Variants in DNAH1 observed in about 807,000 individuals in gnomAD.
DNAH1 encodes the protein dynein axonemal heavy chain 1, also known as axonemal beta dynein heavy chain 1.
A neutral mutation model predicts 484.3 loss-of-function variants in DNAH1; 327 were observed. That is an observed-to-expected ratio of 0.68 (90% CI 0.62 to 0.74). DNAH1 has a LOEUF of 0.74. Among genes scored for constraint, DNAH1 ranks in the 30% least tolerant of loss-of-function variants. The pLI, the probability that DNAH1 is intolerant of heterozygous loss-of-function variation, is 0.00. For missense variants in DNAH1, 5,052 were observed against 5,546.8 expected (o/e 0.91, Z 2.83); for synonymous variants, 2,192 against 2,191.9 (o/e 1.00, Z 0.00).
chr3:52,354,651 G>A (rs185887057), intron 20 of DNAH1, among the ~76,000 whole-genome samples, 192 bp from the exon 21 acceptor site: 1 of 144,916 alleles, frequency 6.9e-6, no homozygotes, highest in Non-Finnish European at 1.5e-5. Context: ...AAAAAAAAAA[G>A]AGTGAATTGG....
intron 8 of DNAH1, among the ~76,000 whole-genome samples, chr3:52,335,049 C>T (rs1013176804): frequency 3.3e-5 from 5 of 151,416 alleles, no homozygotes; most frequent in African/African-American, 1.2e-4. Context: ...ATCCACCTGC[C>T]TCAGCCTCCC....
chr3:52,392,862 G>C lies in DNAH1; in HGVS notation c.10311G>C (p.Lys3437Asn). The part of the protein sequence containing the change: ...AKVRIAEQTE[K>N]DIDLTRMEYI... ...TCAGGATTGCAGAGCAGACGGAGAA[G>C]GACATCGACCTGACGCGCATGGAGT... Residue 3437 changes from lysine (K) to asparagine (N), a missense_variant, in exon 65 of 78, where the codon AAG becomes AAC. By Grantham distance (94) the Lys-to-Asn change is moderately conservative. Coordinates refer to ENST00000420323, the MANE Select transcript of DNAH1 (RefSeq NM_015512.5). 4 of 1,606,118 alleles carry C rather than the reference G, an allele frequency of 2.5e-6. No homozygotes were observed. Among genetic ancestry groups the C allele is most frequent in the Non-Finnish European group, 3.4e-6 (4 of 1,177,804 alleles).
chr3:52,397,056 C>G lies in DNAH1; in HGVS notation c.11787+12C>G. On this transcript the variant is annotated intron_variant, in intron 73 of 77. Coordinates refer to ENST00000420323, the MANE Select transcript of DNAH1 (RefSeq NM_015512.5). ...CCTACGACCTCCACGTGAGTCCAGC[C>G]CAAAGGGCTGCACAGGAGGGGCCTG... is the stretch of plus-strand genomic sequence containing the variant. 1 of 1,590,762 alleles carries G rather than the reference C, an allele frequency of 6.3e-7. No individual in the cohort carries two copies.
rs966144662 is a variant in DNAH1 at position 52,352,577 on chromosome 3, A to G, written c.2897A>G (p.His966Arg). Reference sequence around the variant, plus strand: ...CTGGTAGTAGCTGGCTTCTCCATCCATGTGGAGATTTCACGTGCACACGAG... The same window carrying G: ...CTGGTAGTAGCTGGCTTCTCCATCCGTGTGGAGATTTCACGTGCACACGAG... ...LQLVVAGFSIHVEISRAHEIA... is the reference protein window; with the variant it reads ...LQLVVAGFSIRVEISRAHEIA... The change falls in exon 18 of 78, where the codon CAT becomes CGT. Residue 966 changes from histidine to arginine, a missense_variant. His to Arg is a conservative substitution (Grantham distance 29). Transcript: ENST00000420323. 2 of 1,611,606 alleles carry G rather than the reference A, an allele frequency of 1.2e-6. No homozygotes were observed. Among genetic ancestry groups the G allele is most frequent in the Non-Finnish European group, 1.7e-6 (2 of 1,179,056 alleles).
chr3:52,399,276 G>A lies in DNAH1; in HGVS notation c.12441+75G>A, dbSNP rs1320533298. 2.8e-6 allele frequency: 4 copies of A among 1,451,222 alleles called. No individual in the cohort carries two copies. The African/African-American group carries it at 5.7e-5, about 21-fold the overall frequency. The allele number at this position is 1,451,222 out of a possible 1,614,324, so 89.9% of individuals were successfully genotyped here. On this transcript the variant is annotated intron_variant, in intron 76 of 77. Coordinates refer to ENST00000420323, the MANE Select transcript of DNAH1 (RefSeq NM_015512.5). ...AGGGAGGAGAGGCTCTGAGGCCACGGTTGGTTGGCAGTTGGGGGACCCCTA... is the reference window on the plus strand; with the variant it reads ...AGGGAGGAGAGGCTCTGAGGCCACGATTGGTTGGCAGTTGGGGGACCCCTA...
chr3:52,325,049 C>T (rs1161024865), intron 3 of DNAH1, among the ~76,000 whole-genome samples: 1 of 152,162 alleles, frequency 6.6e-6, no homozygotes, highest in Non-Finnish European at 1.5e-5. Context: ...TGTCACGCAG[C>T]CTCAAGAGCT....
intron 16 of DNAH1, 40 bp from the exon 17 acceptor site, chr3:52,351,922 C>CCG: frequency 6.3e-7 from 1 of 1,582,722 alleles, no homozygotes; most frequent in Non-Finnish European, 8.6e-7. Flanking sequence ...ACCACTTCAG[C>CCG]CGCGATATTT....
intron 6 of DNAH1, among the ~76,000 whole-genome samples, chr3:52,330,575 G>A (rs973891920): frequency 6.6e-6 from 1 of 152,268 alleles, no homozygotes; most frequent in Non-Finnish European, 1.5e-5. Context: ...AAATGAGTGA[G>A]GGGCAGCGGT....
chr3:52,361,939 G>T lies in DNAH1; in HGVS notation c.4980+173G>T, dbSNP rs569957795. Among the ~76,000 whole-genome samples the T allele has an allele frequency of 7.2e-5, 11 of 152,308 alleles. No homozygotes were observed. Among genetic ancestry groups the T allele is most frequent in the African/African-American group, 2.2e-4 (9 of 41,570 alleles). On this transcript the variant is annotated intron_variant, in intron 30 of 77. Transcript: ENST00000420323. The surrounding 1 kb of genome is among the most constrained non-coding windows in gnomAD (Gnocchi z 5.6). ...GTGGGCAGCTCCCAGGCCAAGCTGCGGGGGATGAAGGGGTCCCCTCCTCAT... is the reference window on the plus strand; with the variant it reads ...GTGGGCAGCTCCCAGGCCAAGCTGCTGGGGATGAAGGGGTCCCCTCCTCAT...
chr3:52,360,056 C>A lies in DNAH1; in HGVS notation c.4548C>A (p.Asp1516Glu), dbSNP rs1235470825. 6.8e-6 allele frequency: 11 copies of A among 1,613,904 alleles called. No individual in the cohort carries two copies. The highest frequency in any genetic ancestry group is 9.3e-6 in the Non-Finnish European group (11 of 1,179,894). The change falls in exon 27 of 78, where the codon GAC becomes GAA. Residue 1516 changes from aspartate (D) to glutamate (E), a missense_variant. Coordinates refer to ENST00000420323, the MANE Select transcript of DNAH1 (RefSeq NM_015512.5). The stretch of plus-strand genomic sequence containing the variant: ...AGGAGAACGTGGTCAGCGTGAATGA[C>A]TTCCAGTGGATCTCACAGCTGAGGT... ...LIQENVVSVN[D>E]FQWISQLRYY...
Position 52,380,145 on chromosome 3 carries a change from C to A in DNAH1, c.7608+10C>A. Reference sequence around the variant, plus strand: ...CACCAGTGAGAGTAAGGTGAGGGGCCCAGGCAGGCGCCCTGCCCCTGGTGG... The same window carrying A: ...CACCAGTGAGAGTAAGGTGAGGGGCACAGGCAGGCGCCCTGCCCCTGGTGG... On this transcript the variant is annotated intron_variant, in intron 48 of 77. Coordinates refer to ENST00000420323, the MANE Select transcript of DNAH1 (RefSeq NM_015512.5). 1 of 1,574,566 alleles carries A rather than the reference C, an allele frequency of 6.4e-7. No individual in the cohort carries two copies. Among genetic ancestry groups the A allele is most frequent in the East Asian group, 2.3e-5 (1 of 42,678 alleles).
intron 67 of DNAH1, 122 bp from the exon 68 acceptor site, chr3:52,394,793 C>A: frequency 1.3e-6 from 2 of 1,485,986 alleles, no homozygotes; most frequent in African/African-American, 1.4e-5. Context: ...CTCCTCTGTG[C>A]CTCCAGTGCC....
chr3:52,383,400 C>G lies in DNAH1; in HGVS notation c.7956C>G (p.Ser2652=). The change falls in exon 51 of 78, where the codon TCC becomes TCG. Residue 2652 remains serine (S), a synonymous_variant. Transcript: ENST00000420323. Reference sequence around the variant, plus strand: ...CCCCTCCCCAGATCAAGAACGAATCCTTCCTGGAAGATATCAACAACGTCC... The same window carrying G: ...CCCCTCCCCAGATCAAGAACGAATCGTTCCTGGAAGATATCAACAACGTCC... ...LFSDTQIKNE[S]FLEDINNVLN... is the part of the protein sequence containing the mutation. 1 of 1,613,842 alleles carries G rather than the reference C, an allele frequency of 6.2e-7. No homozygotes were observed. The highest frequency in any genetic ancestry group is 1.1e-5 in the South Asian group (1 of 91,014).
In DNAH1 at chr3:52,398,921, T is replaced by A. The variant is rs1343417296; in HGVS notation, c.12161T>A (p.Val4054Glu). The change falls in exon 76 of 78, where the codon GTG (valine) becomes GAG (glutamate). Residue 4054 changes from valine (V) to glutamate (E), a missense_variant. Physicochemically the swap from Val to Glu is moderately radical, Grantham distance 121. This residue lies in a region of DNAH1 where 853 missense variants were observed against 899.0 expected (regional missense o/e 0.95). Transcript: ENST00000420323. ...DLLKALKGLV[V>E]MSSQLELMAA... ...CTCAAGGCACTCAAGGGGCTGGTAG[T>A]GATGTCCTCTCAGCTGGAGCTGATG... The A allele has an allele frequency of 6.2e-7, 1 of 1,611,726 alleles. No homozygotes were observed. The highest frequency in any genetic ancestry group is 8.5e-7 in the Non-Finnish European group (1 of 1,178,430).
intron 56 of DNAH1, among the ~76,000 whole-genome samples, chr3:52,387,503 C>T (rs531713012): frequency 6.6e-6 from 1 of 152,342 alleles, no homozygotes; most frequent in East Asian, 1.9e-4. Context: ...AGGCCCTGGG[C>T]ACATCCCACA....
rs781124690 is a variant in DNAH1 at position 52,375,311 on chromosome 3, G to A, written c.7057G>A (p.Val2353Ile). The A allele has an allele frequency of 5.6e-6, 9 of 1,612,800 alleles. No individual in the cohort carries two copies. The highest frequency in any genetic ancestry group is 5.3e-5 in the African/African-American group (4 of 75,016). The change falls in exon 45 of 78, where the codon GTC (valine) becomes ATC (isoleucine). Residue 2353 changes from valine (V) to isoleucine (I), a missense_variant. By Grantham distance (29) the Val-to-Ile change is conservative. Around this residue, in one of 4 missense-constraint regions of DNAH1, gnomAD observed 2,929 missense variants for 3,409.4 expected, o/e 0.86. Coordinates refer to ENST00000420323, the MANE Select transcript of DNAH1 (RefSeq NM_015512.5). Reference protein sequence around the residue: ...MGPPGGGRNTVTPRLMRHFNY... With the variant: ...MGPPGGGRNTITPRLMRHFNY... ...CCCCCCGGGTGGAGGCAGGAACACC[G>A]TCACCCCGCGGCTGATGCGTCACTT...
chr3:52,352,991 C>A, intron 18 of DNAH1, 112 bp from the exon 19 acceptor site: 1 of 1,146,898 alleles, frequency 8.7e-7, no homozygotes, highest in Non-Finnish European at 1.2e-6. Context: ...CGGTCAGGGA[C>A]ATCAGCCAGG....
chr3:52,386,664 A>G lies in DNAH1; in HGVS notation c.8814A>G (p.Val2938=). The G allele has an allele frequency of 6.3e-7, 1 of 1,575,074 alleles. No individual in the cohort carries two copies. Among genetic ancestry groups the G allele is most frequent in the Non-Finnish European group, 8.6e-7 (1 of 1,160,716 alleles). The change falls in exon 56 of 78, where the codon GTA becomes GTG. Residue 2938 remains valine (V), a splice_region_variant and synonymous_variant. Transcript: ENST00000420323. ...RNLNKNDVTE[V]RAMQRPPPGV... The stretch of plus-strand genomic sequence containing the variant: ...CCACTTGGTGGCTGGGCCTGCAGGT[A>G]CGTGCCATGCAGCGGCCACCCCCGG...
At position 52,353,973 on chromosome 3, in the gene DNAH1, G is replaced by A. The variant is rs1175382249; in HGVS notation, c.3480+340G>A. Among the ~76,000 whole-genome samples, 1 of 151,954 alleles carries A rather than the reference G, an allele frequency of 6.6e-6. No individual in the cohort carries two copies. The highest frequency in any genetic ancestry group is 1.5e-5 in the Non-Finnish European group (1 of 67,978). On this transcript the variant is annotated intron_variant, in intron 20 of 77. Transcript: ENST00000420323. The surrounding 1 kb of genome is among the most constrained non-coding windows in gnomAD (Gnocchi z 5.0). ...TTTGGGAGGATGAGGAGGAAGGATCGCTTGAGCCCAGGAGTTTGAGACCAG... is the reference window on the plus strand; with the variant it reads ...TTTGGGAGGATGAGGAGGAAGGATCACTTGAGCCCAGGAGTTTGAGACCAG...
Sources: gnomAD v4.1 joint callset for allele counts (sites outside exome capture counted in the v4.1 genomes callset) on GRCh38, gnomAD v4.1.1 for gene constraint, gnomAD v4.1.1 regional missense constraint, Gnocchi (gnomAD v3.1) non-coding constraint, MANE v1.5 for transcripts, NCBI Gene and HGNC (gene_info 2026-07-23, HGNC 2026-07-21) for gene names.